The following PPP4R3B variants were observed in gnomAD, a reference collection of about 807,000 sequenced individuals.
PPP4R3B encodes the protein serine/threonine-protein phosphatase 4 regulatory subunit 3B.
PPP4R3B carries 52 observed loss-of-function variants against 95.4 expected under a neutral mutation model. That is an observed-to-expected ratio of 0.54 (90% confidence interval 0.44 to 0.69). PPP4R3B has a LOEUF of 0.69. Among genes scored for constraint, PPP4R3B ranks in the 30% least tolerant of loss-of-function variants. The pLI is 0.00. For synonymous variants in PPP4R3B, 407 were observed against 343.9 expected, an observed-to-expected ratio of 1.18 and a Z score of -2.03; for missense variants, 1,003 against 1,005.9, an observed-to-expected ratio of 1.00 and a Z score of 0.04.
chr2:55,606,500 T>C (rs1693412695), intron 2 of PPP4R3B, among the ~76,000 whole-genome samples: 1 of 151,778 alleles, frequency 6.6e-6, no homozygotes, highest in Non-Finnish European at 1.5e-5. Flanking sequence ...GCCTGGGCAA[T>C]GCAGTGAGAC....
chr2:55,584,015 G>A (rs1051708428), intron 7 of PPP4R3B, among the ~76,000 whole-genome samples: 5 of 152,132 alleles, frequency 3.3e-5, no homozygotes, highest in African/African-American at 1.2e-4. Flanking sequence ...AGACCACCCT[G>A]AACAACATGG....
intron 14 of PPP4R3B, 43 bp downstream of exon 14, chr2:55,564,859 A>G (rs748724707): frequency 6.3e-7 from 1 of 1,581,020 alleles, no homozygotes; most frequent in Admixed American, 2.0e-5. Context: ...ACAATTTTGG[A>G]CACAGTTTTG....
chr2:55,562,782 A>G (rs546547039), intron 15 of PPP4R3B, among the ~76,000 whole-genome samples: 2 of 152,334 alleles, frequency 1.3e-5, no homozygotes, highest in South Asian at 4.1e-4. Flanking sequence ...TATCTAGCAC[A>G]TACATCTAAA....
chr2:55,597,845 T>G (rs1426183636), intron 4 of PPP4R3B, among the ~76,000 whole-genome samples: 3 of 152,190 alleles, frequency 2.0e-5, no homozygotes, highest in Non-Finnish European at 4.4e-5. Flanking sequence ...GTGAATTTTA[T>G]GTTATGTATA....
At chr2:55,616,630 A>G (rs1039766072) in intron 1 of PPP4R3B, 1 of 152,276 alleles carries the variant, frequency 6.6e-6, no homozygotes, top group Non-Finnish European at 1.5e-5. Context: ...TTGTGTGTCC[A>G]TGTATCGTGG....
chr2:55,601,661 T>G (rs1041813631), intron 3 of PPP4R3B, among the ~76,000 whole-genome samples: 1 of 152,174 alleles, frequency 6.6e-6, no homozygotes, highest in African/African-American at 2.4e-5. Context: ...ATTACAGGCA[T>G]GAGCCACTGC....
At chr2:55,585,448 C>T (rs1251229599) in intron 6 of PPP4R3B, among the ~76,000 whole-genome samples, 2 of 152,042 alleles carry the variant, frequency 1.3e-5, no homozygotes, top group Non-Finnish European at 2.9e-5. Context: ...AAGGCAATAC[C>T]TTACAAATGC....
chr2:55,555,278 TAAAAAAAAAAAA>T (rs372423262), intron 16 of PPP4R3B, among the ~76,000 whole-genome samples: 2 of 108,902 alleles, frequency 1.8e-5, no homozygotes, highest in African/African-American at 7.3e-5. Context: ...AGACTCCGTC[TAAAAAAAAAAAA>T]AAAAAAAGAA....
chr2:55,584,554 T>A lies in PPP4R3B; in HGVS notation c.1233+497A>T, dbSNP rs1689882680. Among the ~76,000 whole-genome samples, 3 of 152,220 alleles carry A rather than the reference T, an allele frequency of 2.0e-5. No homozygotes were observed. In the South Asian group the frequency reaches 6.2e-4, roughly 32 times the overall value. On this transcript the variant is annotated intron_variant, in intron 7 of 16. Transcript: ENST00000616407. Reference sequence around the variant, plus strand: ...ATTGTGTCATTCTTATGCCTTTGCATCCTCATAGCTTAGCTCTCACTTATG... The same window carrying A: ...ATTGTGTCATTCTTATGCCTTTGCAACCTCATAGCTTAGCTCTCACTTATG...
In PPP4R3B at chr2:55,617,372, A is replaced by AGTGGCG. The variant is rs1321435073; in HGVS notation, c.-93_-88dup. 8.7e-6 allele frequency: 12 copies of AGTGGCG among 1,383,100 alleles called. No homozygotes were observed. The highest frequency in any genetic ancestry group is 2.4e-4 in the Middle Eastern group (1 of 4,090). 85.7% of individuals were successfully genotyped at this position (1,383,100 alleles called of 1,614,324 possible). A position where few individuals can be genotyped will look rare whatever the true frequency, so the allele number is the denominator to read the frequency against. On this transcript the variant is annotated 5_prime_UTR_variant, in exon 1 of 17. Transcript: ENST00000616407. ...ACTCTTAGGAGACGGTAAAGGCAGT[A>AGTGGCG]GTGGCGGTGGCGGCGGCGGCGGCTT...
chr2:55,554,858 G>C (rs997367287), intron 16 of PPP4R3B, among the ~76,000 whole-genome samples: 1 of 152,012 alleles, frequency 6.6e-6, no homozygotes, highest in Admixed American at 6.6e-5. Flanking sequence ...TTTTAAAAAA[G>C]AGTTTTAGAC....
intron 2 of PPP4R3B, among the ~76,000 whole-genome samples, chr2:55,610,780 C>A (rs539336886): frequency 6.6e-6 from 1 of 152,132 alleles, no homozygotes; most frequent in Non-Finnish European, 1.5e-5. Flanking sequence ...TCTGTTACAT[C>A]CTGCCTCCAA....
intron 1 of PPP4R3B, chr2:55,616,631 T>C (rs1469447481): frequency 6.6e-6 from 1 of 152,298 alleles, no homozygotes; most frequent in Non-Finnish European, 1.5e-5. Flanking sequence ...TGTGTGTCCA[T>C]GTATCGTGGC....
intron 11 of PPP4R3B, among the ~76,000 whole-genome samples, chr2:55,574,651 T>C (rs1248504848): frequency 2.0e-5 from 3 of 150,110 alleles, no homozygotes; most frequent in Non-Finnish European, 3.0e-5. Flanking sequence ...TGGAGTGCAG[T>C]GGCGCGATCT....
intron 2 of PPP4R3B, among the ~76,000 whole-genome samples, chr2:55,608,856 G>C (rs1280037217): frequency 6.6e-6 from 1 of 152,086 alleles, no homozygotes; most frequent in Non-Finnish European, 1.5e-5. Context: ...ATGGTGGTAT[G>C]CGCCTGCAGT....
intron 5 of PPP4R3B, 63 bp from the exon 6 acceptor site, chr2:55,586,797 T>C (rs572425275): frequency 8.5e-6 from 8 of 942,232 alleles, no homozygotes; most frequent in Admixed American, 2.1e-5. Context: ...ACTATAGTAA[T>C]CATCTACCAT....
intron 4 of PPP4R3B, among the ~76,000 whole-genome samples, chr2:55,593,405 C>T (rs996601298): frequency 6.6e-6 from 1 of 152,158 alleles, no homozygotes; most frequent in Non-Finnish European, 1.5e-5. Context: ...TAAGGACCTT[C>T]GTACTACCTC....
At position 55,598,979 on chromosome 2, in the gene PPP4R3B, C is replaced by A. The variant is rs750011985; in HGVS notation, c.358G>T (p.Glu120Ter). 6.2e-7 allele frequency: 1 copy of A among 1,613,964 alleles called. No individual in the cohort carries two copies. Among genetic ancestry groups the A allele is most frequent in the Admixed American group, 1.7e-5 (1 of 60,028 alleles). ...GTTTCAGGCATTTCTTCAAATCGTTCTTCTTCAGATTCATCAATGAGGTCC... is the reference window on the plus strand; with the variant it reads ...GTTTCAGGCATTTCTTCAAATCGTTATTCTTCAGATTCATCAATGAGGTCC... ...TQDLIDESEE[E>*]RFEEMPETSH... The change falls in exon 4 of 17, where the codon GAA (glutamate) becomes TAA (stop). Residue 120 changes from glutamate to a stop codon, truncating the protein, a stop_gained. Coordinates refer to ENST00000616407, the MANE Select transcript of PPP4R3B (RefSeq NM_001122964.3). LOFTEE classifies it high-confidence loss of function.
At chr2:55,589,898 A>C (rs1256621291) in intron 4 of PPP4R3B, among the ~76,000 whole-genome samples, 1 of 145,000 alleles carries the variant, frequency 6.9e-6, no homozygotes, top group Non-Finnish European at 1.5e-5. Context: ...CCTGGACAAA[A>C]GAGCGAGACT....
Sources: gnomAD v4.1 joint callset for allele counts (sites outside exome capture counted in the v4.1 genomes callset) on GRCh38, gnomAD v4.1.1 for gene constraint, MANE v1.5 for transcripts, NCBI Gene and HGNC (gene_info 2026-07-23, HGNC 2026-07-21) for gene names.